Variants in CIPC observed in about 807,000 individuals in gnomAD.
CIPC encodes the protein CLOCK interacting pacemaker.
Under a neutral mutation model 26.7 loss-of-function variants are expected in CIPC, and 12 were observed. The ratio of observed to expected loss-of-function variants is 0.45; its 90% CI spans 0.29 to 0.73. The LOEUF is 0.73. CIPC is among the 30% of genes least tolerant of loss of function. The probability of loss-of-function intolerance (pLI) is 0.12; values close to 1 mark genes in which losing one functional copy is unlikely to be tolerated. For synonymous variants in CIPC, 170 were observed against 189.8 expected (o/e 0.90, Z 0.86); for missense variants, 417 against 486.5 (o/e 0.86, Z 1.34).
At chr14:77,099,623 C>T (rs1886436686) in intron 1 of CIPC, among the ~76,000 whole-genome samples, 1 of 152,166 alleles carries the variant, frequency 6.6e-6, no homozygotes, top group Non-Finnish European at 1.5e-5. Context: ...ACACTTCTGT[C>T]CAGGCACACA....
At chr14:77,103,878 C>G (rs1886541732) in intron 1 of CIPC, among the ~76,000 whole-genome samples, 1 of 141,102 alleles carries the variant, frequency 7.1e-6, no homozygotes. Flanking sequence ...CTGTGCACTT[C>G]TTGGGCTCCC....
At position 77,116,229 on chromosome 14, in the gene CIPC, A is replaced by AT. The variant is rs1886810905; in HGVS notation, c.*1911_*1912insT. 1 of 152,214 alleles carries AT rather than the reference A, an allele frequency of 6.6e-6. No individual in the cohort carries two copies. Among genetic ancestry groups the AT allele is most frequent in the Non-Finnish European group, 1.5e-5 (1 of 68,040 alleles). The allele number at this position is 152,214 out of a possible 1,614,324, so 9.4% of individuals were successfully genotyped here. On this transcript the variant is annotated 3_prime_UTR_variant, in exon 4 of 4. Transcript: ENST00000361786. ...GTTTGCTTTCTGAAAGAATTTCAGAAATCAGAGCAAATGTGTCTTTAGGCA... is the reference window on the plus strand; with the variant it reads ...GTTTGCTTTCTGAAAGAATTTCAGAATATCAGAGCAAATGTGTCTTTAGGCA...
In CIPC at chr14:77,109,973, G is replaced by A; in HGVS notation, c.298G>A (p.Val100Ile). 1 of 1,614,102 alleles carries A rather than the reference G, an allele frequency of 6.2e-7. No individual in the cohort carries two copies. Among genetic ancestry groups the A allele is most frequent in the African/African-American group, 1.3e-5 (1 of 75,038 alleles). ...SPMVVMKNVL[V>I]KQGSSSSQLQ... ...CATGGTCGTCATGAAGAATGTGCTT[G>A]TCAAACAGGTGAGGAGGACTAATAT... Residue 100 changes from valine to isoleucine, a missense_variant, in exon 3 of 4, where the codon GTC becomes ATC. By Grantham distance (29) the Val-to-Ile change is conservative. Transcript: ENST00000361786.
chr14:77,113,714 C>T lies in CIPC; in HGVS notation c.596C>T (p.Ser199Phe). 1 of 1,612,456 alleles carries T rather than the reference C, an allele frequency of 6.2e-7. No homozygotes were observed. Among genetic ancestry groups the T allele is most frequent in the Non-Finnish European group, 8.5e-7 (1 of 1,178,996 alleles). ...GAGAGACTTGGGCCTAGCTTGTCTT[C>T]CAGTGAGCCAACCAAGGCTGGTGCT... ...CTERLGPSLS[S>F]SEPTKAGAVP... Residue 199 changes from serine (S) to phenylalanine (F), a missense_variant, in exon 4 of 4, where the codon TCC becomes TTC. Physicochemically the swap from Ser to Phe is radical, Grantham distance 155. Transcript: ENST00000361786.
chr14:77,102,738 C>G (rs545213906), intron 1 of CIPC, among the ~76,000 whole-genome samples: 2 of 152,328 alleles, frequency 1.3e-5, no homozygotes, highest in East Asian at 1.9e-4. Flanking sequence ...CTAACATGAG[C>G]TACCCTCCTA....
chr14:77,111,934 C>G (rs192174823), intron 3 of CIPC, among the ~76,000 whole-genome samples: 9 of 152,308 alleles, frequency 5.9e-5, no homozygotes, highest in Admixed American at 5.9e-4. Context: ...TTTTGGATCT[C>G]CTATGACAAG....
rs982815348 is a variant in CIPC, at chr14:77,113,817, T to A, written c.699T>A (p.Ser233=). 3 of 1,614,110 alleles carry A rather than the reference T, an allele frequency of 1.9e-6. No homozygotes were observed. Among genetic ancestry groups the A allele is most frequent in the Non-Finnish European group, 1.7e-6 (2 of 1,180,022 alleles). The change falls in exon 4 of 4, where the codon TCT becomes TCA. Residue 233 remains serine, a synonymous_variant. Coordinates refer to ENST00000361786, the MANE Select transcript of CIPC (RefSeq NM_033426.3). The stretch of plus-strand genomic sequence containing the variant: ...ACTCAGCTCTGCAGGGTGTGCCCTC[T>A]CTGGTGGCAGGTGGAAGTCCACAGA... ...AEDSALQGVP[S]LVAGGSPQTL...
At chr14:77,110,500 C>G (rs1394471962) in intron 3 of CIPC, among the ~76,000 whole-genome samples, 1 of 152,168 alleles carries the variant, frequency 6.6e-6, no homozygotes, top group African/African-American at 2.4e-5. Context: ...GCTCCTGGTT[C>G]AAGTATGGGA....
At chr14:77,104,891 A>G (rs965306370) in intron 1 of CIPC, among the ~76,000 whole-genome samples, 3 of 152,216 alleles carry the variant, frequency 2.0e-5, no homozygotes, top group Non-Finnish European at 4.4e-5. Flanking sequence ...CTGATTTACA[A>G]TGGCATTTGA....
intron 1 of CIPC, among the ~76,000 whole-genome samples, chr14:77,100,240 C>CCTTTTT (rs1566803271): frequency 7.7e-6 from 1 of 130,522 alleles, no homozygotes; most frequent in Non-Finnish European, 1.6e-5. Flanking sequence ...TTCTTTCTTT[C>CCTTTTT]TTTTTTTTTT....
chr14:77,111,469 T>A (rs1207557451), intron 3 of CIPC, among the ~76,000 whole-genome samples: 1 of 152,230 alleles, frequency 6.6e-6, no homozygotes, highest in East Asian at 1.9e-4. Flanking sequence ...CATTTAAAAC[T>A]CTGCATGTTG....
intron 1 of CIPC, among the ~76,000 whole-genome samples, chr14:77,102,778 A>G (rs1166830161): frequency 6.6e-6 from 1 of 152,220 alleles, no homozygotes; most frequent in Non-Finnish European, 1.5e-5. Flanking sequence ...TCCGACATGA[A>G]TTAGTTTGAA....
In CIPC at chr14:77,115,955, G is replaced by T. The variant is rs1234883595; in HGVS notation, c.*1637G>T. The T allele has an allele frequency of 6.6e-6, 1 of 152,160 alleles. No individual in the cohort carries two copies. Among genetic ancestry groups the T allele is most frequent in the Non-Finnish European group, 1.5e-5 (1 of 68,038 alleles). The allele number at this position is 152,160 out of a possible 1,614,324, so 9.4% of individuals were successfully genotyped here. A position where few individuals can be genotyped will look rare whatever the true frequency, so the allele number is the denominator to read the frequency against. On this transcript the variant is annotated 3_prime_UTR_variant, in exon 4 of 4. Coordinates refer to ENST00000361786, the MANE Select transcript of CIPC (RefSeq NM_033426.3). Reference sequence around the variant, plus strand: ...CCTGCCTCAGCCTCCCAAAGTGCTGGGCTTACAGGCCTGAGCCACCACGCT... The same window carrying T: ...CCTGCCTCAGCCTCCCAAAGTGCTGTGCTTACAGGCCTGAGCCACCACGCT...
At chr14:77,112,468 C>T (rs1886723232) in intron 3 of CIPC, among the ~76,000 whole-genome samples, 1 of 152,206 alleles carries the variant, frequency 6.6e-6, no homozygotes, top group South Asian at 2.1e-4. Context: ...CAAGTTTTTT[C>T]GACTTTCTAA....
intron 1 of CIPC, among the ~76,000 whole-genome samples, chr14:77,102,626 G>C (rs1886512189): frequency 1.3e-5 from 2 of 152,052 alleles, no homozygotes; most frequent in South Asian, 4.1e-4. Flanking sequence ...GACTAAATTG[G>C]GATGCATTAT....
At chr14:77,100,788 C>T (rs986850623) in intron 1 of CIPC, among the ~76,000 whole-genome samples, 12 of 152,090 alleles carry the variant, frequency 7.9e-5, no homozygotes, top group African/African-American at 2.7e-4. Context: ...AGGCTGGTCT[C>T]GAACTCCTGA....
rs761158937 is a variant in CIPC, at chr14:77,116,803, C to A, written c.*2485C>A. ...GCCAGATCAGCAAATGGAGGAACCTCGGAGGTGACCAGAAAGATCTCCATC... is the reference window on the plus strand; with the variant it reads ...GCCAGATCAGCAAATGGAGGAACCTAGGAGGTGACCAGAAAGATCTCCATC... On this transcript the variant is annotated 3_prime_UTR_variant, in exon 4 of 4. Coordinates refer to ENST00000361786, the MANE Select transcript of CIPC (RefSeq NM_033426.3). 4.6e-5 allele frequency: 7 copies of A among 152,186 alleles called. No homozygotes were observed. The highest frequency in any genetic ancestry group is 1.7e-4 in the African/African-American group (7 of 41,418). 9.4% of individuals were successfully genotyped at this position (152,186 alleles called of 1,614,324 possible).
In CIPC at chr14:77,113,606, T is replaced by C. The variant is rs1886747610; in HGVS notation, c.488T>C (p.Ile163Thr). Residue 163 changes from isoleucine (I) to threonine (T), a missense_variant, in exon 4 of 4, where the codon ATA (isoleucine) becomes ACA (threonine). Transcript: ENST00000361786. The part of the protein sequence containing the change: ...YLPILNSYTK[I>T]APHPGKRGLS... ...CCCATTCTGAATTCTTACACCAAAA[T>C]AGCCCCACATCCAGGCAAAAGGGGC... 4 of 1,614,170 alleles carry C rather than the reference T, an allele frequency of 2.5e-6. No homozygotes were observed. The highest frequency in any genetic ancestry group is 2.2e-5 in the East Asian group (1 of 44,884).
chr14:77,109,813 TGGGA>T lies in CIPC; in HGVS notation c.140_143del (p.Gly47AlafsTer5). On this transcript the variant is annotated frameshift_variant and splice_region_variant, in exon 3 of 4. Coordinates refer to ENST00000361786, the MANE Select transcript of CIPC (RefSeq NM_033426.3). LOFTEE classifies it high-confidence loss of function. Reference sequence around the variant, plus strand: ...GTTGACCATTCTTCTGCCCACCAGATGGGAGCTCGGAATGTCTGAGCTCTGCAGA... The same window carrying T: ...GTTGACCATTCTTCTGCCCACCAGATGCTCGGAATGTCTGAGCTCTGCAGA... 1 of 1,610,692 alleles carries T rather than the reference TGGGA, an allele frequency of 6.2e-7. No individual in the cohort carries two copies. Among genetic ancestry groups the T allele is most frequent in the Non-Finnish European group, 8.5e-7 (1 of 1,177,330 alleles).
Sources: gnomAD v4.1 joint callset for allele counts (sites outside exome capture counted in the v4.1 genomes callset) on GRCh38, gnomAD v4.1.1 for gene constraint, MANE v1.5 for transcripts, NCBI Gene and HGNC (gene_info 2026-07-23, HGNC 2026-07-21) for gene names.